The following DAPK2 variants were observed in gnomAD, a reference collection of about 807,000 sequenced individuals.
DAPK2 encodes the protein death-associated protein kinase 2.
In DAPK2, 35 loss-of-function variants were observed where a neutral mutation model predicts 44.1. That is an observed-to-expected ratio of 0.79 (90% CI 0.61 to 1.05). The LOEUF is 1.05. Ranked by LOEUF, DAPK2 falls within the 50% of genes least tolerant of loss-of-function variation. The pLI, the probability that DAPK2 is intolerant of heterozygous loss-of-function variation, is 0.00. For missense variants in DAPK2, 453 were observed against 483.2 expected (o/e 0.94, Z 0.59); for synonymous variants, 174 against 182.6 (o/e 0.95, Z 0.38).
intron 3 of DAPK2, among the ~76,000 whole-genome samples, chr15:63,963,557 G>A (rs2077971433): frequency 6.6e-6 from 1 of 152,136 alleles, no homozygotes; most frequent in Non-Finnish European, 1.5e-5. Flanking sequence ...TGTTATTACT[G>A]ATAAGTAAGG....
At chr15:63,973,762 T>C (rs1409290914) in intron 2 of DAPK2, among the ~76,000 whole-genome samples, 1 of 152,212 alleles carries the variant, frequency 6.6e-6, no homozygotes, top group Non-Finnish European at 1.5e-5. Flanking sequence ...AGAGACAGAA[T>C]GCCAGAGTCT....
chr15:63,988,515 T>A (rs2078725817), intron 1 of DAPK2, among the ~76,000 whole-genome samples: 1 of 151,808 alleles, frequency 6.6e-6, no homozygotes, highest in Non-Finnish European at 1.5e-5. Context: ...TCCTTTTTTT[T>A]TTTTTTTGAG....
At chr15:63,922,972 T>C in intron 8 of DAPK2, 2 of 1,535,872 alleles carry the variant, frequency 1.3e-6, no homozygotes, top group South Asian at 1.2e-5. Context: ...CGAGGCTACA[T>C]CCCGTGGCCT....
At chr15:63,947,717 ACTATTTCCTT>A (rs2077485448) in intron 3 of DAPK2, among the ~76,000 whole-genome samples, 1 of 152,156 alleles carries the variant, frequency 6.6e-6, no homozygotes, top group African/African-American at 2.4e-5. Flanking sequence ...AGTCTCTGTG[ACTATTTCCTT>A]GATGATGTCT....
intron 1 of DAPK2, among the ~76,000 whole-genome samples, chr15:63,992,420 CATCT>C (rs1325755822): frequency 6.6e-6 from 1 of 152,152 alleles, no homozygotes; most frequent in African/African-American, 2.4e-5. Context: ...CTCACCTATC[CATCT>C]GTCTCTCATT....
chr15:63,967,681 ACT>A (rs1172082709), intron 3 of DAPK2, among the ~76,000 whole-genome samples: 2 of 151,816 alleles, frequency 1.3e-5, no homozygotes, highest in Non-Finnish European at 2.9e-5. Context: ...ACAGAGCGAG[ACT>A]CTGTCTCAAA....
chr15:63,917,839 A>T lies in DAPK2; in HGVS notation c.859-5642T>A, dbSNP rs1479024242. ...CTCTGCAACCCTCTTACCCTTTCTCAATCAGAATTCCTCTCTCCTTTGATT... is the reference window on the plus strand; with the variant it reads ...CTCTGCAACCCTCTTACCCTTTCTCTATCAGAATTCCTCTCTCCTTTGATT... On this transcript the variant is annotated intron_variant, in intron 8 of 10. Coordinates refer to ENST00000261891, the Ensembl canonical transcript of DAPK2. The surrounding 1 kb of genome is among the most constrained non-coding windows in gnomAD (Gnocchi z 4.4). The T allele has an allele frequency of 6.6e-6, 1 of 152,008 alleles. No individual in the cohort carries two copies. The highest frequency in any genetic ancestry group is 1.5e-5 in the Non-Finnish European group (1 of 68,018). 9.4% of individuals were successfully genotyped at this position (152,008 alleles called of 1,614,324 possible).
chr15:63,952,362 T>G (rs2077613228), intron 3 of DAPK2, among the ~76,000 whole-genome samples: 13 of 152,218 alleles, frequency 8.5e-5, no homozygotes, highest in Admixed American at 8.5e-4. Flanking sequence ...GCAATTCTGT[T>G]GGGCCTTGAG....
Position 63,971,540 on chromosome 15 carries a change from G to A in DAPK2, c.336C>T (p.Phe112=), listed in dbSNP as rs144523094. The A allele has an allele frequency of 2.2e-5, 36 of 1,614,032 alleles. 2 individuals carry two copies. The South Asian group carries it at 2.6e-4, about 12-fold the overall frequency. Reference sequence around the variant, plus strand: ...GTGACTCCTTCTGGGCCAGGAAATCGAAGAGCTCTCCTCCAGACACTCTGT... The same window carrying A: ...GTGACTCCTTCTGGGCCAGGAAATCAAAGAGCTCTCCTCCAGACACTCTGT... The change falls in exon 3 of 11, where the codon TTC becomes TTT. Residue 112 remains phenylalanine (F), a synonymous_variant. Coordinates refer to ENST00000261891, the Ensembl canonical transcript of DAPK2.
In DAPK2 at chr15:63,923,035, C is replaced by A; in HGVS notation, c.858+1781G>T. ...ATGACTCCACCTTGCGGAACTCATA[C>A]CTGAGCTGGGACAGGTCATGCCGGG... On this transcript the variant is annotated intron_variant, in intron 8 of 10. Transcript: ENST00000261891. The surrounding 1 kb of genome is among the most constrained non-coding windows in gnomAD (Gnocchi z 4.2). 2.6e-6 allele frequency: 4 copies of A among 1,535,874 alleles called. No individual in the cohort carries two copies. Among genetic ancestry groups the A allele is most frequent in the Non-Finnish European group, 2.6e-6 (3 of 1,146,730 alleles).
At chr15:64,040,407 C>G, upstream of DAPK2, 1 of 632,492 alleles carries the variant, frequency 1.6e-6, no homozygotes, top group Non-Finnish European at 2.8e-6. Context: ...AAGAACTGCC[C>G]TGCTCAAGCC....
intron 3 of DAPK2, among the ~76,000 whole-genome samples, chr15:63,944,653 C>T (rs545942756): frequency 6.6e-6 from 1 of 152,318 alleles, no homozygotes; most frequent in African/African-American, 2.4e-5. Context: ...AAATGATTTG[C>T]CAAGGTGCAA....
chr15:64,001,963 A>G (rs1993684), intron 1 of DAPK2, among the ~76,000 whole-genome samples: 49,887 of 152,146 alleles, frequency 0.33, 8,374 homozygotes, highest in South Asian at 0.56. Context: ...AGTATTATGA[A>G]CAAACACAAA....
intron 3 of DAPK2, among the ~76,000 whole-genome samples, chr15:63,958,007 C>T (rs2077775445): frequency 6.6e-6 from 1 of 152,208 alleles, no homozygotes; most frequent in Non-Finnish European, 1.5e-5. Flanking sequence ...TCCACATCCT[C>T]TTCAGAACCT....
intron 1 of DAPK2, among the ~76,000 whole-genome samples, chr15:64,023,134 T>A (rs1001983074): frequency 2.0e-5 from 3 of 152,188 alleles, no homozygotes; most frequent in Admixed American, 6.5e-5. Context: ...CAAGGGGCGA[T>A]GTGGAGGAGG....
At chr15:63,941,382 A>G (rs902570585) in intron 3 of DAPK2, among the ~76,000 whole-genome samples, 1 of 151,924 alleles carries the variant, frequency 6.6e-6, no homozygotes, top group African/African-American at 2.4e-5. Flanking sequence ...TGCTGTTTTT[A>G]TCATAGCTCC....
intron 3 of DAPK2, among the ~76,000 whole-genome samples, chr15:63,959,469 C>A (rs113421012): frequency 0.44 from 67,074 of 152,004 alleles, 16,959 homozygotes; most frequent in East Asian, 0.97. Context: ...TGTGCCCATT[C>A]ATTACGATAT....
intron 1 of DAPK2, among the ~76,000 whole-genome samples, chr15:63,986,593 A>C (rs1177395052): frequency 6.6e-6 from 1 of 152,104 alleles, no homozygotes; most frequent in Non-Finnish European, 1.5e-5. Flanking sequence ...ACCCAGCTTC[A>C]GTTTAATTTT....
intron 1 of DAPK2, among the ~76,000 whole-genome samples, chr15:63,988,450 C>T (rs148133800): frequency 1.3e-3 from 201 of 152,122 alleles, no homozygotes; most frequent in African/African-American, 4.7e-3. Context: ...AATGTCACAC[C>T]ACGGGATCAA....
Sources: allele counts gnomAD v4.1 joint callset (sites outside exome capture counted in the v4.1 genomes callset), GRCh38; gene constraint gnomAD v4.1.1; non-coding constraint Gnocchi (gnomAD v3.1); transcripts MANE v1.5; gene names NCBI Gene and HGNC (gene_info 2026-07-23, HGNC 2026-07-21).